Variants in COX10 observed in about 807,000 individuals in gnomAD.
COX10 encodes the protein cytochrome c oxidase assembly factor heme A:farnesyltransferase COX10, also known as protoheme IX farnesyltransferase, mitochondrial.
A neutral mutation model predicts 37.3 loss-of-function variants in COX10; 27 were observed. The observed-to-expected ratio is 0.72, with a 90% CI of 0.53 to 1.00. The LOEUF (loss-of-function observed/expected upper bound fraction) is 1.00. COX10 is among the 50% of genes least tolerant of loss of function. The probability of loss-of-function intolerance (pLI) is 0.00; values close to 1 mark genes in which losing one functional copy is unlikely to be tolerated. For synonymous variants in COX10, 222 were observed against 229.1 expected (o/e 0.97, Z 0.28); for missense variants, 475 against 563.2 (o/e 0.84, Z 1.59).
intron 6 of COX10, among the ~76,000 whole-genome samples, chr17:14,196,623 A>AT (rs1906374430): frequency 6.6e-6 from 1 of 152,128 alleles, no homozygotes. Context: ...ATTTAGGATC[A>AT]TTTACCAGTG....
intron 3 of COX10, among the ~76,000 whole-genome samples, chr17:14,080,906 G>A (rs1471344902): frequency 1.3e-5 from 2 of 151,802 alleles, no homozygotes; most frequent in Non-Finnish European, 2.9e-5. Flanking sequence ...TCATCACCCT[G>A]TGGTTACAAA....
intron 4 of COX10, among the ~76,000 whole-genome samples, chr17:14,148,988 ATTG>A (rs763658817): frequency 1.2e-3 from 171 of 148,348 alleles, no homozygotes; most frequent in Non-Finnish European, 1.7e-3. Flanking sequence ...TATAAAATGT[ATTG>A]TTAGTCTATA....
At chr17:14,200,012 A>C (rs1445284379) in intron 6 of COX10, among the ~76,000 whole-genome samples, 2 of 152,126 alleles carry the variant, frequency 1.3e-5, no homozygotes, top group Non-Finnish European at 2.9e-5. Context: ...AGACCTCCCA[A>C]ACCCAGCACC....
At position 14,207,092 on chromosome 17, in the gene COX10, A is replaced by G; in HGVS notation, c.1211A>G (p.Asp404Gly). 1 of 1,614,010 alleles carries G rather than the reference A, an allele frequency of 6.2e-7. No individual in the cohort carries two copies. Residue 404 changes from aspartate to glycine, a missense_variant, in exon 7 of 7, where the codon GAC becomes GGC. Asp to Gly is a moderately conservative substitution (Grantham distance 94, BLOSUM62 -1). Coordinates refer to ENST00000261643, the MANE Select transcript of COX10 (RefSeq NM_001303.4). ...GGCTTCCGCTTCTACGTGGACGCAG[A>G]CCGCAGGAGCTCGCGGAGACTGTTC... ...YLGFRFYVDA[D>G]RRSSRRLFFC...
At position 14,157,289 on chromosome 17, in the gene COX10, A is replaced by T. The variant is rs749841340; in HGVS notation, c.625-2588A>T. 7.3e-4 allele frequency among the ~76,000 whole-genome samples: 111 copies of T among 152,298 alleles called. 1 individual carries two copies. The highest frequency in any genetic ancestry group is 6.8e-3 in the Middle Eastern group (2 of 294). On this transcript the variant is annotated intron_variant, in intron 4 of 6. Coordinates refer to ENST00000261643, the MANE Select transcript of COX10 (RefSeq NM_001303.4). Reference sequence around the variant, plus strand: ...GAATCTAACTGACTTTTGTATCCCCATTGTATGGTGTGTAGTAGACACTAA... The same window carrying T: ...GAATCTAACTGACTTTTGTATCCCCTTTGTATGGTGTGTAGTAGACACTAA...
chr17:14,084,186 G>T (rs1049286757), intron 3 of COX10, among the ~76,000 whole-genome samples: 2 of 151,974 alleles, frequency 1.3e-5, no homozygotes, highest in Non-Finnish European at 2.9e-5. Context: ...TGTATTAAGG[G>T]GGTTTTAGCA....
rs539848133 is a variant in COX10, at chr17:14,129,695, A to G, written c.624+27453A>G. Reference sequence around the variant, plus strand: ...AGCATTGTAAACCATGTGTTCCTTTAGCAAAAGACGTGAAGATGCAGGCTG... The same window carrying G: ...AGCATTGTAAACCATGTGTTCCTTTGGCAAAAGACGTGAAGATGCAGGCTG... On this transcript the variant is annotated intron_variant, in intron 4 of 6. Transcript: ENST00000261643. Among the ~76,000 whole-genome samples the G allele has an allele frequency of 2.8e-4, 43 of 152,258 alleles. 1 individual carries two copies. The Middle Eastern group carries it at 0.01, about 36-fold the overall frequency.
chr17:14,077,459 T>C, intron 3 of COX10: 1 of 229,058 alleles, frequency 4.4e-6, no homozygotes, highest in Non-Finnish European at 8.6e-6. Flanking sequence ...AGTCTCCCAG[T>C]TCACTTCTGT....
intron 2 of COX10, 99 bp from the exon 3 acceptor site, chr17:14,076,636 A>C: frequency 8.7e-7 from 1 of 1,153,750 alleles, no homozygotes; most frequent in Non-Finnish European, 1.3e-6. Context: ...AAAAGCTTTC[A>C]AATAATGTAA....
At chr17:14,086,603 T>C (rs1597495040) in intron 3 of COX10, among the ~76,000 whole-genome samples, 1 of 152,290 alleles carries the variant, frequency 6.6e-6, no homozygotes, top group South Asian at 2.1e-4. Flanking sequence ...TGATAAGTGA[T>C]TTTGGAAGTA....
At chr17:14,175,323 T>C (rs896465432) in intron 5 of COX10, among the ~76,000 whole-genome samples, 5 of 151,916 alleles carry the variant, frequency 3.3e-5, no homozygotes, top group Non-Finnish European at 5.9e-5. Context: ...GGGAATAGAA[T>C]GTTGTAGAAC....
At chr17:14,121,756 G>GA (rs763181855) in intron 4 of COX10, among the ~76,000 whole-genome samples, 4 of 152,122 alleles carry the variant, frequency 2.6e-5, no homozygotes, top group African/African-American at 4.8e-5. Context: ...GAATATCATA[G>GA]AAAAAAGATT....
intron 5 of COX10, among the ~76,000 whole-genome samples, chr17:14,174,004 T>G (rs1905568488): frequency 6.6e-6 from 1 of 152,022 alleles, no homozygotes; most frequent in East Asian, 1.9e-4. Context: ...AGATAAACTG[T>G]ACTTCATCAA....
At chr17:14,103,661 C>T (rs1915834259) in intron 4 of COX10, among the ~76,000 whole-genome samples, 1 of 152,040 alleles carries the variant, frequency 6.6e-6, no homozygotes, top group South Asian at 2.1e-4. Flanking sequence ...CATCCCACCC[C>T]TTTTCTTTTC....
At chr17:14,108,527 C>T (rs544009303) in intron 4 of COX10, among the ~76,000 whole-genome samples, 1 of 152,082 alleles carries the variant, frequency 6.6e-6, no homozygotes, top group East Asian at 1.9e-4. Context: ...GGTATGTTAT[C>T]TTTGGGATCT....
chr17:14,080,358 C>T (rs936113940), intron 3 of COX10, among the ~76,000 whole-genome samples: 20 of 151,766 alleles, frequency 1.3e-4, no homozygotes, highest in Admixed American at 1.3e-3. Flanking sequence ...GGACCACAGG[C>T]ACCTGCCACC....
chr17:14,195,725 A>T (rs895786052), intron 6 of COX10, among the ~76,000 whole-genome samples: 4 of 152,174 alleles, frequency 2.6e-5, no homozygotes, highest in African/African-American at 9.7e-5. Context: ...TAACACAAAG[A>T]TTCCTGGGCC....
chr17:14,160,052 A>C (rs1905140734), intron 5 of COX10, 105 bp downstream of exon 5: 5 of 989,712 alleles, frequency 5.1e-6, no homozygotes. Flanking sequence ...GTGGAAATAA[A>C]ATACCCACAA....
At chr17:14,149,486 G>A (rs2142232060) in intron 4 of COX10, among the ~76,000 whole-genome samples, 1 of 152,280 alleles carries the variant, frequency 6.6e-6, no homozygotes, top group Non-Finnish European at 1.5e-5. Context: ...CGGCGATACT[G>A]TGTCTTTGTG....
Sources: gnomAD v4.1 joint callset for allele counts (sites outside exome capture counted in the v4.1 genomes callset) on GRCh38, gnomAD v4.1.1 for gene constraint, MANE v1.5 for transcripts, NCBI Gene and HGNC (gene_info 2026-07-23, HGNC 2026-07-21) for gene names.